The following ERAP1 variants were observed in gnomAD, a reference collection of about 807,000 sequenced individuals.
ERAP1 encodes the protein adipocyte-derived leucine aminopeptidase.
In ERAP1, 86 loss-of-function variants were observed where a neutral mutation model predicts 103.7. The observed-to-expected ratio is 0.83, with a 90% confidence interval of 0.70 to 0.99. The LOEUF (loss-of-function observed/expected upper bound fraction) is 0.99, where lower values mean the gene tolerates loss of function less well. Among genes scored for constraint, ERAP1 ranks in the 50% least tolerant of loss-of-function variants. ERAP1 has a pLI of 0.00. For synonymous variants in ERAP1, 398 were observed against 402.4 expected, an observed-to-expected ratio of 0.99 and a Z score of 0.13; for missense variants, 1,009 against 1,128.4, an observed-to-expected ratio of 0.89 and a Z score of 1.52.
chr5:96,915,098 C>G, the ERAP1 span, among the ~76,000 whole-genome samples: 1 of 152,060 alleles, frequency 6.6e-6, no homozygotes, highest in African/African-American at 2.4e-5. Flanking sequence ...ACCTCCACCT[C>G]CCGGGTTCAA....
At chr5:96,791,811 AAGC>A (rs1172819956) in intron 8 of ERAP1, among the ~76,000 whole-genome samples, 1 of 152,256 alleles carries the variant, frequency 6.6e-6, no homozygotes, top group African/African-American at 2.4e-5. Flanking sequence ...TGATGAATAA[AAGC>A]AGAGTTTCTG....
the ERAP1 span, among the ~76,000 whole-genome samples, chr5:96,863,256 G>T: frequency 3.3e-5 from 5 of 151,754 alleles, no homozygotes; most frequent in African/African-American, 1.2e-4. Context: ...CTCACAATTT[G>T]CCCTCTGTCA....
At chr5:96,915,562 C>T in the ERAP1 span, 9 of 444,486 alleles carry the variant, frequency 2.0e-5, no homozygotes, top group Non-Finnish European at 3.1e-5. Flanking sequence ...GGTAATTCAC[C>T]GTATCTATTG....
In ERAP1 at chr5:96,790,617, C is replaced by T. The variant is rs749970619; in HGVS notation, c.1347G>A (p.Arg449=). The T allele has an allele frequency of 1.2e-6, 2 of 1,608,322 alleles. No homozygotes were observed. The highest frequency in any genetic ancestry group is 1.7e-6 in the Non-Finnish European group (2 of 1,174,696). Residue 449 remains arginine, a synonymous_variant, in exon 9 of 19, where the codon AGG becomes AGA. Transcript: ENST00000443439. ...TAAATGCGTCAGCACTAAGATACTC[C>T]CTTAGCATATTCAGAATACAAGCTC... ...DKGACILNML[R]EYLSADAFKS...
At chr5:96,889,268 A>G in the ERAP1 span, 1 of 1,613,970 alleles carries the variant, frequency 6.2e-7, no homozygotes, top group Non-Finnish European at 8.5e-7. Flanking sequence ...ATTTTTATGA[A>G]AAGTACTTTG....
At chr5:96,844,798 G>A in the ERAP1 span, among the ~76,000 whole-genome samples, 18 of 152,146 alleles carry the variant, frequency 1.2e-4, no homozygotes, top group Non-Finnish European at 2.9e-5. Context: ...CACCTCCTTT[G>A]GCGAGAATTG....
intron 19 of ERAP1, chr5:96,767,367 C>G (rs1201459113): frequency 1.6e-6 from 2 of 1,255,974 alleles, no homozygotes; most frequent in Non-Finnish European, 1.2e-6. Flanking sequence ...ACAATAGATT[C>G]TCTACTGCCT....
chr5:96,822,405 G>T, the ERAP1 span, among the ~76,000 whole-genome samples: 1 of 152,172 alleles, frequency 6.6e-6, no homozygotes, highest in Non-Finnish European at 1.5e-5. Context: ...AATTTTCAAA[G>T]CAGAATCAAA....
At chr5:96,901,975 C>A in the ERAP1 span, among the ~76,000 whole-genome samples, 1 of 152,294 alleles carries the variant, frequency 6.6e-6, no homozygotes, top group African/African-American at 2.4e-5. Context: ...ATTGGATTTT[C>A]TTTCCCATAC....
At chr5:96,822,963 C>T in the ERAP1 span, 4 of 440,292 alleles carry the variant, frequency 9.1e-6, no homozygotes, top group Non-Finnish European at 1.8e-5. Flanking sequence ...GAGGGATCCA[C>T]TTTCAGTCTC....
the ERAP1 span, among the ~76,000 whole-genome samples, chr5:96,818,325 A>G: frequency 6.6e-6 from 1 of 151,862 alleles, no homozygotes; most frequent in African/African-American, 2.4e-5. Flanking sequence ...GATGAACACA[A>G]CACCTCCACT....
intron 5 of ERAP1, among the ~76,000 whole-genome samples, chr5:96,794,505 A>G (rs1362060127): frequency 6.6e-6 from 1 of 151,966 alleles, no homozygotes; most frequent in African/African-American, 2.4e-5. Context: ...AGGCCTCTTG[A>G]CTCCATTTCT....
At chr5:96,927,278 A>T in the ERAP1 span, among the ~76,000 whole-genome samples, 1 of 152,200 alleles carries the variant, frequency 6.6e-6, no homozygotes, top group Non-Finnish European at 1.5e-5. Flanking sequence ...TCAGCAGTGT[A>T]TGTGGCTTAT....
At position 96,780,438 on chromosome 5, in the gene ERAP1, T is replaced by C. The variant is rs1774999513; in HGVS notation, c.2655A>G (p.Arg885=). Reference sequence around the variant, plus strand: ...TTTTTTTTACCTCTTCAAGCCGTGTTCTTGTGGAGAATTGATTTGTTGTAC... The same window carrying C: ...TTTTTTTTACCTCTTCAAGCCGTGTCCTTGTGGAGAATTGATTTGTTGTAC... The part of the protein sequence containing the change: ...VMGTTNQFST[R]TRLEEVKGFF... The change falls in exon 18 of 19, where the codon AGA becomes AGG. Residue 885 remains arginine (R), a synonymous_variant. Coordinates refer to ENST00000443439, the MANE Select transcript of ERAP1 (RefSeq NM_001040458.3). 2 of 1,611,288 alleles carry C rather than the reference T, an allele frequency of 1.2e-6. No individual in the cohort carries two copies. Among genetic ancestry groups the C allele is most frequent in the Non-Finnish European group, 1.7e-6 (2 of 1,178,694 alleles).
At chr5:96,881,772 C>T in the ERAP1 span, among the ~76,000 whole-genome samples, 1 of 152,102 alleles carries the variant, frequency 6.6e-6, no homozygotes. Flanking sequence ...AGAAGGGGGA[C>T]ACGGGGGAGA....
downstream of ERAP1, among the ~76,000 whole-genome samples, chr5:96,770,922 C>G (rs1772077407): frequency 6.6e-6 from 1 of 152,096 alleles, no homozygotes; most frequent in Non-Finnish European, 1.5e-5. Context: ...AAGTTGGAAA[C>G]TTCCTATTAT....
chr5:96,935,120 CTA>C, the ERAP1 span: 1 of 152,458 alleles, frequency 6.6e-6, no homozygotes, highest in Non-Finnish European at 1.5e-5. Context: ...TTTCTCGGGC[CTA>C]GCGCCGCGGA....
chr5:96,808,077 GC>G (rs931482365), upstream of ERAP1: 2 of 985,480 alleles, frequency 2.0e-6, no homozygotes, highest in African/African-American at 3.5e-5. Flanking sequence ...GAGGGAAGCC[GC>G]AACTCCCAGG....
the ERAP1 span, among the ~76,000 whole-genome samples, chr5:96,815,407 G>GTTTTTTTTTTTT: frequency 3.8e-5 from 4 of 105,456 alleles, no homozygotes; most frequent in Non-Finnish European, 4.1e-5. Flanking sequence ...TGTTTGTTTT[G>GTTTTTTTTTTTT]TTTTTTATTT....
Sources: allele counts gnomAD v4.1 joint callset (sites outside exome capture counted in the v4.1 genomes callset), GRCh38; gene constraint gnomAD v4.1.1; transcripts MANE v1.5; gene names NCBI Gene and HGNC (gene_info 2026-07-23, HGNC 2026-07-21).